The following LRBA variants were observed in gnomAD, a reference collection of about 807,000 sequenced individuals.
The protein encoded by LRBA is LPS responsive beige-like anchor protein, also known as lipopolysaccharide-responsive and beige-like anchor protein.
Under a neutral mutation model 330.0 loss-of-function variants are expected in LRBA, and 176 were observed. The observed-to-expected ratio is 0.53, with a 90% CI of 0.47 to 0.60. The LOEUF (loss-of-function observed/expected upper bound fraction) is 0.60, where lower values mean the gene tolerates loss of function less well. Among genes scored for constraint, LRBA ranks in the 20% least tolerant of loss-of-function variants. LRBA has a pLI of 0.00. For synonymous variants in LRBA, 1,230 were observed against 1,193.0 expected, an observed-to-expected ratio of 1.03 and a Z score of -0.64; for missense variants, 3,259 against 3,444.8, an observed-to-expected ratio of 0.95 and a Z score of 1.35.
chr4:150,844,041 G>T, intron 28 of LRBA, 59 bp downstream of exon 28: 1 of 1,015,820 alleles, frequency 9.8e-7, no homozygotes, highest in Non-Finnish European at 1.5e-6. Context: ...CAATACATTA[G>T]GCCTAAGAGG....
chr4:150,802,562 C>G (rs1450647425), intron 33 of LRBA, among the ~76,000 whole-genome samples: 1 of 151,996 alleles, frequency 6.6e-6, no homozygotes, highest in Non-Finnish European at 1.5e-5. Flanking sequence ...TTTGGAAAAT[C>G]TCTTTAGAAA....
chr4:150,416,454 C>G (rs528467239), intron 46 of LRBA, among the ~76,000 whole-genome samples: 1 of 152,144 alleles, frequency 6.6e-6, no homozygotes, highest in African/African-American at 2.4e-5. Flanking sequence ...AAAAAAAATC[C>G]AGCAGGAATT....
chr4:150,285,254 C>A (rs1302442586), intron 54 of LRBA, among the ~76,000 whole-genome samples: 2 of 152,176 alleles, frequency 1.3e-5, no homozygotes, highest in African/African-American at 4.8e-5. Context: ...CAGCTCAGAG[C>A]AGAGACAGAG....
intron 18 of LRBA, among the ~76,000 whole-genome samples, chr4:150,872,338 G>T (rs1346441111): frequency 6.6e-6 from 1 of 152,158 alleles, no homozygotes; most frequent in Admixed American, 6.5e-5. Flanking sequence ...TCCAGGTTAT[G>T]TATTACTTTA....
At chr4:150,839,851 C>T (rs148589078) in intron 28 of LRBA, among the ~76,000 whole-genome samples, 1,662 of 151,180 alleles carry the variant, frequency 0.011, 10 homozygotes, top group Non-Finnish European at 0.017. Context: ...CAAACCTGCA[C>T]GTTGTGCACA....
chr4:150,640,073 G>T (rs1452282551), intron 37 of LRBA, among the ~76,000 whole-genome samples: 1 of 151,016 alleles, frequency 6.6e-6, no homozygotes, highest in Non-Finnish European at 1.5e-5. Context: ...AGCCAGGCTG[G>T]TCTTGAACTC....
chr4:150,346,757 C>CAAAAAAAAAAAAAAAA (rs57119340), intron 48 of LRBA, among the ~76,000 whole-genome samples: 7 of 66,152 alleles, frequency 1.1e-4, no homozygotes, highest in African/African-American at 5.4e-4. Flanking sequence ...GACTCTGTCT[C>CAAAAAAAAAAAAAAAA]AAAAAAAAAA....
intron 35 of LRBA, among the ~76,000 whole-genome samples, chr4:150,740,853 AT>A (rs1177827045): frequency 1.3e-5 from 2 of 152,006 alleles, no homozygotes; most frequent in African/African-American, 4.8e-5. Flanking sequence ...TACATGAGAC[AT>A]TCTTAAAGAG....
At chr4:150,494,397 C>A (rs1021590588) in intron 40 of LRBA, among the ~76,000 whole-genome samples, 1 of 152,150 alleles carries the variant, frequency 6.6e-6, no homozygotes, top group Non-Finnish European at 1.5e-5. Context: ...TCTGAAAATT[C>A]TACCTTTTGT....
intron 37 of LRBA, among the ~76,000 whole-genome samples, chr4:150,641,683 T>C (rs1778693628): frequency 6.6e-6 from 1 of 152,108 alleles, no homozygotes; most frequent in Non-Finnish European, 1.5e-5. Context: ...TCAATACCTT[T>C]ATATGTTCTT....
intron 46 of LRBA, chr4:150,422,695 G>T: frequency 1.4e-6 from 1 of 714,950 alleles, no homozygotes; most frequent in Non-Finnish European, 2.6e-6. Flanking sequence ...GACTGGCACT[G>T]TGGGCACCAC....
rs575463865 is a variant in LRBA at position 150,953,612 on chromosome 4, C to A, written c.217-24547G>T. ...GCTCCTACCGCGAGTGATCTGCCAG[C>A]CCGGGCCTCCCGAGGTGCCGGGATT... On this transcript the variant is annotated intron_variant, in intron 2 of 56. Transcript: ENST00000651943. Among the ~76,000 whole-genome samples, 9 of 152,210 alleles carry A rather than the reference C, an allele frequency of 5.9e-5. No individual in the cohort carries two copies. The South Asian group carries it at 1.9e-3, about 32-fold the overall frequency.
intron 11 of LRBA, among the ~76,000 whole-genome samples, chr4:150,907,077 G>C (rs546824500): frequency 6.7e-6 from 1 of 149,696 alleles, no homozygotes; most frequent in Non-Finnish European, 1.5e-5. Context: ...AAAGATCCCC[G>C]GAAAGGAAAG....
At chr4:150,763,351 T>C (rs1260862693) in intron 34 of LRBA, among the ~76,000 whole-genome samples, 2 of 151,958 alleles carry the variant, frequency 1.3e-5, no homozygotes, top group Non-Finnish European at 2.9e-5. Flanking sequence ...TTTTTATTAT[T>C]CTAAAATTTA....
At chr4:150,603,473 T>C (rs1256811008) in intron 37 of LRBA, among the ~76,000 whole-genome samples, 1 of 152,160 alleles carries the variant, frequency 6.6e-6, no homozygotes, top group Non-Finnish European at 1.5e-5. Flanking sequence ...TAAAGCAATG[T>C]CATGGCTTTT....
At chr4:150,283,823 G>GCAT (rs375326278) in intron 54 of LRBA, among the ~76,000 whole-genome samples, 239 of 152,220 alleles carry the variant, frequency 1.6e-3, no homozygotes, top group African/African-American at 5.6e-3. Context: ...TAACAGATGT[G>GCAT]CATCATCATC....
chr4:150,631,034 T>C (rs1777326626), intron 37 of LRBA, among the ~76,000 whole-genome samples: 1 of 152,072 alleles, frequency 6.6e-6, no homozygotes, highest in Non-Finnish European at 1.5e-5. Flanking sequence ...TTAATACAAA[T>C]ATTTGAAGAG....
chr4:150,593,397 T>C (rs181774346), intron 38 of LRBA, among the ~76,000 whole-genome samples: 8 of 152,290 alleles, frequency 5.3e-5, no homozygotes, highest in African/African-American at 1.7e-4. Flanking sequence ...AATTTTAAGA[T>C]AAGAAAGCAG....
intron 34 of LRBA, among the ~76,000 whole-genome samples, chr4:150,768,926 C>G (rs1044665766): frequency 1.3e-4 from 16 of 123,090 alleles, no homozygotes; most frequent in Non-Finnish European, 3.3e-5. Flanking sequence ...AGTGCTGTCT[C>G]CTTTTTTTTT....
Sources: allele counts gnomAD v4.1 joint callset (sites outside exome capture counted in the v4.1 genomes callset), GRCh38; gene constraint gnomAD v4.1.1; transcripts MANE v1.5; gene names NCBI Gene and HGNC (gene_info 2026-07-23, HGNC 2026-07-21).